SDC3: variants seen among roughly 807,000 people sequenced by gnomAD.
SDC3 encodes syndecan 3, also known as syndecan-3.
In SDC3, 13 loss-of-function variants were observed where a neutral mutation model predicts 24.4. The ratio of observed to expected loss-of-function variants is 0.53; its 90% CI spans 0.35 to 0.85. The LOEUF (loss-of-function observed/expected upper bound fraction) is 0.85, where lower values mean the gene tolerates loss of function less well. SDC3 is among the 40% of genes least tolerant of loss of function. The pLI is 0.01. For missense variants in SDC3, 571 were observed against 584.5 expected, an observed-to-expected ratio of 0.98 and a Z score of 0.24; for synonymous variants, 295 against 260.9, an observed-to-expected ratio of 1.13 and a Z score of -1.26.
intron 1 of SDC3, among the ~76,000 whole-genome samples, chr1:30,907,423 G>T (rs1638544086): frequency 6.6e-6 from 1 of 152,134 alleles, no homozygotes; most frequent in Non-Finnish European, 1.5e-5. Flanking sequence ...ACCTGCACAT[G>T]CTTGGTTCCC....
intron 1 of SDC3, among the ~76,000 whole-genome samples, chr1:30,900,074 C>A (rs1638383094): frequency 6.6e-6 from 1 of 152,118 alleles, no homozygotes; most frequent in South Asian, 2.1e-4. Flanking sequence ...CTTTCTTTTC[C>A]CCACGCTCTT....
Position 30,895,736 on chromosome 1 carries a change from C to T in SDC3, c.138+12713G>A, listed in dbSNP as rs570212381. On this transcript the variant is annotated intron_variant, in intron 1 of 4. Coordinates refer to ENST00000339394, the MANE Select transcript of SDC3 (RefSeq NM_014654.4). ...TCAAGACCCCTGTCCCCAAGGGGAGCCCTCAGGTTCTGGCCCTGGTGGGTC... is the reference window on the plus strand; with the variant it reads ...TCAAGACCCCTGTCCCCAAGGGGAGTCCTCAGGTTCTGGCCCTGGTGGGTC... Among the ~76,000 whole-genome samples, 29 of 152,208 alleles carry T rather than the reference C, an allele frequency of 1.9e-4. No homozygotes were observed. In the South Asian group the frequency reaches 2.7e-3, roughly 14 times the overall value.
At chr1:30,890,497 G>A (rs979023317) in intron 1 of SDC3, among the ~76,000 whole-genome samples, 1 of 152,212 alleles carries the variant, frequency 6.6e-6, no homozygotes, top group African/African-American at 2.4e-5. Context: ...AGGGATTGTG[G>A]AGAAACAAGG....
In SDC3 at chr1:30,876,998, G is replaced by C. The variant is rs139509747; in HGVS notation, c.424C>G (p.Pro142Ala). 1.2e-6 allele frequency: 2 copies of C among 1,613,298 alleles called. No homozygotes were observed. The highest frequency in any genetic ancestry group is 1.7e-6 in the Non-Finnish European group (2 of 1,179,506). Residue 142 changes from proline to alanine, a missense_variant, in exon 3 of 5, where the codon CCC becomes GCC. Pro to Ala is a conservative substitution (Grantham distance 27). Coordinates refer to ENST00000339394, the MANE Select transcript of SDC3 (RefSeq NM_014654.4). ...TCCGGGACTTCTGTCACCACCAGGG[G>C]GCTGGTGGCTGGCTCCAGGGTGGGG... Reference protein sequence around the residue: ...ERPTLEPATSPLVVTEVPEEP... With the variant: ...ERPTLEPATSALVVTEVPEEP...
chr1:30,908,578 C>G lies in SDC3; in HGVS notation c.9G>C (p.Pro3=). 3.1e-6 allele frequency: 3 copies of G among 976,114 alleles called. No individual in the cohort carries two copies. The highest frequency in any genetic ancestry group is 3.6e-6 in the Non-Finnish European group (3 of 825,930). The allele number at this position is 976,114 out of a possible 1,614,324, so 60.5% of individuals were successfully genotyped here. The part of the protein sequence containing the change: MK[P]GPPHRAGAAH... ...CGGCCCCGGCACGGTGCGGCGGCCCCGGCTTCATGGCGGCGGCGCGGGCGC... is the reference window on the plus strand; with the variant it reads ...CGGCCCCGGCACGGTGCGGCGGCCCGGGCTTCATGGCGGCGGCGCGGGCGC... Residue 3 remains proline, a synonymous_variant, in exon 1 of 5, where the codon CCG becomes CCC. Transcript: ENST00000339394.
Position 30,874,364 on chromosome 1 carries a change from G to A in SDC3, c.1095C>T (p.Ile365=), listed in dbSNP as rs376473349. ...RPGPGLLDNA[I]DSGSSAAQLP... ...GCTGAGCAGCTGAGCTGCCCGAGTC[G>A]ATGGCATTGTCCAGGAGGCCAGGGC... The change falls in exon 4 of 5, where the codon ATC becomes ATT. Residue 365 remains isoleucine, a synonymous_variant. Transcript: ENST00000339394. 299 of 1,613,734 alleles carry A rather than the reference G, an allele frequency of 1.9e-4. No homozygotes were observed. The highest frequency in any genetic ancestry group is 1.6e-3 in the Middle Eastern group (10 of 6,080).
At position 30,890,974 on chromosome 1, in the gene SDC3, AG is replaced by A. The variant is rs1639895943; in HGVS notation, c.139-12235del. 2.6e-5 allele frequency among the ~76,000 whole-genome samples: 4 copies of A among 152,254 alleles called. No homozygotes were observed. In the South Asian group the frequency reaches 6.2e-4, roughly 24 times the overall value. On this transcript the variant is annotated intron_variant, in intron 1 of 4. Transcript: ENST00000339394. ...CCACTTTGTCAGGTGGGGCCAGTGG[AG>A]GGGGACAGGCTCAGCCCAGAGTCTT...
chr1:30,884,160 G>A (rs1639790253), intron 1 of SDC3, among the ~76,000 whole-genome samples: 1 of 152,104 alleles, frequency 6.6e-6, no homozygotes, highest in Admixed American at 6.5e-5. Context: ...GGAGATGAGG[G>A]GCACGAGGAC....
chr1:30,892,677 A>G (rs1360946519), intron 1 of SDC3, among the ~76,000 whole-genome samples: 1 of 152,152 alleles, frequency 6.6e-6, no homozygotes, highest in Admixed American at 6.5e-5. Context: ...CACTCCCCCA[A>G]CATTTACCAT....
chr1:30,877,104 C>T lies in SDC3; in HGVS notation c.318G>A (p.Ala106=), dbSNP rs373189918. The change falls in exon 3 of 5, where the codon GCG becomes GCA. Residue 106 remains alanine, a synonymous_variant. Coordinates refer to ENST00000339394, the MANE Select transcript of SDC3 (RefSeq NM_014654.4). The part of the protein sequence containing the change: ...AMRFSPDVAL[A]VSTTPAVLPT... ...GCAGCACCGCAGGTGTGGTGGACAC[C>T]GCCAGGGCTACATCTGGGCTGAAGC... 350 of 1,613,714 alleles carry T rather than the reference C, an allele frequency of 2.2e-4. No individual in the cohort carries two copies. The highest frequency in any genetic ancestry group is 2.7e-4 in the Non-Finnish European group (320 of 1,179,954).
chr1:30,869,536 C>CAAAAAA lies in SDC3; in HGVS notation c.*3669_*3674dup, dbSNP rs11338317. On this transcript the variant is annotated 3_prime_UTR_variant, in exon 5 of 5. Coordinates refer to ENST00000339394, the MANE Select transcript of SDC3 (RefSeq NM_014654.4). ...AGGAAGTGTTAAAAAAACAAACAAA[C>CAAAAAA]AAAAAAAAAAAAAAAAAAAAAAAAA... 2.3e-4 allele frequency: 79 copies of CAAAAAA among 348,080 alleles called. No homozygotes were observed. Among genetic ancestry groups the CAAAAAA allele is most frequent in the African/African-American group, 6.0e-4 (23 of 38,422 alleles). The allele number at this position is 348,080 out of a possible 1,614,324, so 21.6% of individuals were successfully genotyped here. A position where few individuals can be genotyped will look rare whatever the true frequency, so the allele number is the denominator to read the frequency against.
chr1:30,894,504 A>G (rs1639967265), intron 1 of SDC3, among the ~76,000 whole-genome samples: 4 of 57,688 alleles, frequency 6.9e-5, no homozygotes, highest in Non-Finnish European at 9.5e-5. Flanking sequence ...GGGGGTGAGT[A>G]TGAGTGGGTG....
chr1:30,877,232 G>A lies in SDC3; in HGVS notation c.257-67C>T, dbSNP rs776939751. 8 of 1,593,502 alleles carry A rather than the reference G, an allele frequency of 5.0e-6. No individual in the cohort carries two copies. The South Asian group carries it at 8.9e-5, about 18-fold the overall frequency. ...GGTTGTGAGGGGCATGAGGATCCCAGGTAAGCAATGGCCATCAAGATTAGG... is the reference window on the plus strand; with the variant it reads ...GGTTGTGAGGGGCATGAGGATCCCAAGTAAGCAATGGCCATCAAGATTAGG... On this transcript the variant is annotated intron_variant, in intron 2 of 4. Coordinates refer to ENST00000339394, the MANE Select transcript of SDC3 (RefSeq NM_014654.4).
At chr1:30,897,031 C>T (rs749978904) in intron 1 of SDC3, among the ~76,000 whole-genome samples, 32 of 152,190 alleles carry the variant, frequency 2.1e-4, no homozygotes, top group Admixed American at 3.9e-4. Flanking sequence ...AAGGCACTGA[C>T]GGGAATTAAT....
In SDC3 at chr1:30,870,035, G is replaced by C; in HGVS notation, c.*3176C>G. 2.5e-6 allele frequency: 1 copy of C among 397,736 alleles called. No homozygotes were observed. The highest frequency in any genetic ancestry group is 4.4e-6 in the Non-Finnish European group (1 of 226,076). 24.6% of individuals were successfully genotyped at this position (397,736 alleles called of 1,614,324 possible). A position where few individuals can be genotyped will look rare whatever the true frequency, so the allele number is the denominator to read the frequency against. ...TTCTATTTACAGGCAAGAGGCCTGG[G>C]GAGGCAAGTCCAGGGTTGTAGTTGT... is the stretch of plus-strand genomic sequence containing the variant. On this transcript the variant is annotated 3_prime_UTR_variant, in exon 5 of 5. Coordinates refer to ENST00000339394, the MANE Select transcript of SDC3 (RefSeq NM_014654.4).
intron 1 of SDC3, among the ~76,000 whole-genome samples, chr1:30,879,613 A>G (rs1639707800): frequency 6.6e-6 from 1 of 152,150 alleles, no homozygotes; most frequent in South Asian, 2.1e-4. Context: ...AGCAGCCTGA[A>G]GTCACACAGA....
intron 1 of SDC3, among the ~76,000 whole-genome samples, chr1:30,906,604 A>G (rs1264518698): frequency 1.3e-5 from 2 of 152,060 alleles, no homozygotes; most frequent in African/African-American, 2.4e-5. Flanking sequence ...TGTGCACACC[A>G]CATGACTCCT....
chr1:30,905,168 C>A (rs988570340), intron 1 of SDC3, among the ~76,000 whole-genome samples: 1 of 152,112 alleles, frequency 6.6e-6, no homozygotes, highest in Non-Finnish European at 1.5e-5. Flanking sequence ...CTATCTCATC[C>A]TGGAAACCCA....
intron 1 of SDC3, 29 bp downstream of exon 1, chr1:30,908,420 T>A: frequency 9.9e-7 from 1 of 1,006,908 alleles, no homozygotes; most frequent in South Asian, 3.9e-5. Flanking sequence ...CGGGGAGCCG[T>A]GGCGGGGATC....
Sources: gnomAD v4.1 joint callset for allele counts (sites outside exome capture counted in the v4.1 genomes callset) on GRCh38, gnomAD v4.1.1 for gene constraint, MANE v1.5 for transcripts, NCBI Gene and HGNC (gene_info 2026-07-23, HGNC 2026-07-21) for gene names.